Variants in ATP8A2 observed in about 807,000 individuals in gnomAD.
The protein encoded by ATP8A2 is ATPase phospholipid transporting 8A2.
ATP8A2 carries 100 observed loss-of-function variants against 165.6 expected under a neutral mutation model. That is an observed-to-expected ratio of 0.60 (90% CI 0.51 to 0.71). The LOEUF (loss-of-function observed/expected upper bound fraction) is 0.71, where lower values mean the gene tolerates loss of function less well. Ranked by LOEUF, ATP8A2 falls within the 30% of genes least tolerant of loss-of-function variation. The pLI is 0.00. For synonymous variants in ATP8A2, 543 were observed against 548.8 expected, an observed-to-expected ratio of 0.99 and a Z score of 0.15; for missense variants, 1,227 against 1,479.5, an observed-to-expected ratio of 0.83 and a Z score of 2.80.
chr13:25,606,167 A>G (rs1183104675), intron 24 of ATP8A2, among the ~76,000 whole-genome samples: 1 of 152,224 alleles, frequency 6.6e-6, no homozygotes, highest in African/African-American at 2.4e-5. Context: ...TGAGGCTATC[A>G]TAGCAAAAAT....
chr13:25,852,885 CAA>C, intron 30 of ATP8A2, among the ~76,000 whole-genome samples: 1 of 150,372 alleles, frequency 6.7e-6, no homozygotes, highest in South Asian at 2.1e-4. Flanking sequence ...GCCTGGGCAA[CAA>C]GAGAGAAACT....
chr13:25,687,642 C>T (rs2042630794), intron 24 of ATP8A2, among the ~76,000 whole-genome samples: 1 of 152,096 alleles, frequency 6.6e-6, no homozygotes, highest in South Asian at 2.1e-4. Flanking sequence ...CAGTTCCTTA[C>T]TTGTTGCTTT....
intron 2 of ATP8A2, among the ~76,000 whole-genome samples, chr13:25,491,679 C>G (rs545186961): frequency 6.6e-6 from 1 of 152,286 alleles, no homozygotes; most frequent in Non-Finnish European, 1.5e-5. Flanking sequence ...AGAGTATGAA[C>G]TGCAGGGTAT....
At chr13:25,425,582 C>T (rs1593289671) in intron 1 of ATP8A2, among the ~76,000 whole-genome samples, 1 of 83,220 alleles carries the variant, frequency 1.2e-5, no homozygotes, top group South Asian at 4.5e-4. Flanking sequence ...TTCTTTCTTT[C>T]CTTTTTTTTT....
intron 25 of ATP8A2, among the ~76,000 whole-genome samples, chr13:25,719,660 G>A (rs1593245185): frequency 6.6e-6 from 1 of 152,144 alleles, no homozygotes; most frequent in Non-Finnish European, 1.5e-5. Context: ...GTCTTTTCCT[G>A]TCCTGCTGAT....
chr13:25,556,288 CTTTTT>C (rs1420856260), intron 13 of ATP8A2, among the ~76,000 whole-genome samples: 1 of 152,168 alleles, frequency 6.6e-6, no homozygotes, highest in East Asian at 1.9e-4. Context: ...TGTTTTTTGA[CTTTTT>C]AATGATAACC....
intron 19 of ATP8A2, among the ~76,000 whole-genome samples, chr13:25,576,603 G>GTTC (rs1257819104): frequency 6.6e-6 from 1 of 152,120 alleles, no homozygotes; most frequent in Non-Finnish European, 1.5e-5. Flanking sequence ...AATTGGGAGT[G>GTTC]TTCTGCGGGT....
chr13:25,598,494 T>G (rs1478983872), intron 24 of ATP8A2, among the ~76,000 whole-genome samples: 2 of 152,210 alleles, frequency 1.3e-5, no homozygotes, highest in Admixed American at 6.6e-5. Flanking sequence ...GTGGGATATC[T>G]CTCATTTACT....
chr13:25,619,944 A>C (rs1217189008), intron 24 of ATP8A2, among the ~76,000 whole-genome samples: 3 of 152,234 alleles, frequency 2.0e-5, no homozygotes, highest in Admixed American at 2.0e-4. Flanking sequence ...CAATCTATAT[A>C]TACAAAGAAG....
chr13:25,489,065 G>A (rs568401349), intron 2 of ATP8A2, among the ~76,000 whole-genome samples: 3 of 152,084 alleles, frequency 2.0e-5, no homozygotes, highest in South Asian at 4.2e-4. Context: ...TGGCACTGGC[G>A]CTGGTTCAGT....
chr13:25,519,517 A>G (rs140758588), intron 2 of ATP8A2, among the ~76,000 whole-genome samples: 2 of 152,146 alleles, frequency 1.3e-5, no homozygotes, highest in Admixed American at 1.3e-4. Context: ...TCTATTGCAC[A>G]TGATGGATGG....
chr13:25,946,758 G>C (rs199955151), intron 33 of ATP8A2, among the ~76,000 whole-genome samples: 1 of 142,116 alleles, frequency 7.0e-6, no homozygotes, highest in Admixed American at 7.0e-5. Flanking sequence ...TGTTTGTTTT[G>C]TTTTTTTGAG....
intron 27 of ATP8A2, among the ~76,000 whole-genome samples, chr13:25,826,373 G>T (rs1329405849): frequency 2.0e-5 from 3 of 152,200 alleles, no homozygotes; most frequent in East Asian, 3.9e-4. Context: ...CAAGGTGAAA[G>T]CTGTATTTAA....
chr13:25,975,393 C>G (rs914586688), intron 35 of ATP8A2, among the ~76,000 whole-genome samples: 1 of 151,364 alleles, frequency 6.6e-6, no homozygotes, highest in Non-Finnish European at 1.5e-5. Flanking sequence ...CTGGCTAACA[C>G]AGTGAAATCC....
chr13:25,519,433 T>C (rs1479747529), intron 2 of ATP8A2, among the ~76,000 whole-genome samples: 1 of 152,162 alleles, frequency 6.6e-6, no homozygotes, highest in Non-Finnish European at 1.5e-5. Flanking sequence ...TGTGCGTTTT[T>C]GACCACTTGG....
intron 2 of ATP8A2, among the ~76,000 whole-genome samples, chr13:25,470,347 C>T (rs1042123793): frequency 1.3e-5 from 2 of 152,182 alleles, no homozygotes; most frequent in Non-Finnish European, 2.9e-5. Context: ...AATGTGTGGG[C>T]TTCGTTTAAG....
intron 2 of ATP8A2, among the ~76,000 whole-genome samples, chr13:25,485,642 T>A (rs1389208385): frequency 6.6e-6 from 1 of 152,236 alleles, no homozygotes; most frequent in African/African-American, 2.4e-5. Context: ...CAGATGATGG[T>A]TCTAGACTGT....
chr13:25,901,791 G>A (rs1290832456), intron 33 of ATP8A2, among the ~76,000 whole-genome samples: 1 of 152,064 alleles, frequency 6.6e-6, no homozygotes, highest in Non-Finnish European at 1.5e-5. Context: ...CTGTTGGCTG[G>A]GAAACTATCT....
intron 33 of ATP8A2, among the ~76,000 whole-genome samples, chr13:25,956,432 C>A (rs951697391): frequency 5.3e-5 from 8 of 152,204 alleles, no homozygotes; most frequent in Non-Finnish European, 8.8e-5. Context: ...TCTCAGGATA[C>A]AAAATCAATG....
Sources: gnomAD v4.1 joint callset for allele counts (sites outside exome capture counted in the v4.1 genomes callset) on GRCh38, gnomAD v4.1.1 for gene constraint, MANE v1.5 for transcripts, NCBI Gene and HGNC (gene_info 2026-07-23, HGNC 2026-07-21) for gene names.